The following RFPL1 variants were observed in gnomAD, a reference collection of about 807,000 sequenced individuals.
RFPL1 encodes the protein ret finger protein-like 1.
Under a neutral mutation model 9.6 loss-of-function variants are expected in RFPL1, and 6 were observed. The observed-to-expected ratio is 0.62, with a 90% CI of 0.34 to 1.23. RFPL1 has a LOEUF of 1.23. RFPL1 is among the 50% of genes most tolerant of loss of function. The probability of loss-of-function intolerance (pLI) is 0.03; values close to 1 mark genes in which losing one functional copy is unlikely to be tolerated. For synonymous variants in RFPL1, 145 were observed against 149.4 expected, an observed-to-expected ratio of 0.97 and a Z score of 0.22; for missense variants, 352 against 398.4, an observed-to-expected ratio of 0.88 and a Z score of 0.99.
At chr22:29,424,838 C>CCG in the RFPL1 span, among the ~76,000 whole-genome samples, 3 of 108,750 alleles carry the variant, frequency 2.8e-5, no homozygotes, top group East Asian at 6.9e-4. Context: ...CTCCCACCCC[C>CCG]CCCCCCGCAA....
At chr22:29,422,502 A>G in the RFPL1 span, among the ~76,000 whole-genome samples, 598 of 152,346 alleles carry the variant, frequency 3.9e-3, 4 homozygotes, top group African/African-American at 0.014. Context: ...GCTCGAACCC[A>G]GGAGGCAGAG....
the RFPL1 span, among the ~76,000 whole-genome samples, chr22:29,388,993 C>T: frequency 6.6e-6 from 1 of 152,208 alleles, no homozygotes; most frequent in Non-Finnish European, 1.5e-5. Context: ...CCTCTCACCT[C>T]AGCCTCCCAA....
intron 1 of RFPL1, 194 bp from the exon 2 acceptor site, chr22:29,441,348 T>C (rs1338222343): frequency 3.2e-6 from 2 of 618,474 alleles, no homozygotes; most frequent in East Asian, 2.8e-5. Context: ...TGAATAAGAG[T>C]TGGGTATTGC....
chr22:29,411,041 C>T, the RFPL1 span, among the ~76,000 whole-genome samples: 2 of 152,174 alleles, frequency 1.3e-5, no homozygotes, highest in East Asian at 3.9e-4. Context: ...GCCAATCCAT[C>T]TGCTGCATCT....
At chr22:29,441,867 G>C in exon 2 of RFPL1, 1 of 1,613,832 alleles carries the variant, frequency 6.2e-7, no homozygotes, top group Non-Finnish European at 8.5e-7. Context: ...CGGTGCCGCT[G>C]ACTTTCCTCT....
At chr22:29,438,838 G>A in exon 1 of RFPL1, 1 of 1,613,944 alleles carries the variant, frequency 6.2e-7, no homozygotes, top group Non-Finnish European at 8.5e-7. Flanking sequence ...TCACCTCACG[G>A]AAATTTTCTT....
At chr22:29,393,923 C>T in the RFPL1 span, among the ~76,000 whole-genome samples, 13 of 152,202 alleles carry the variant, frequency 8.5e-5, no homozygotes, top group South Asian at 6.2e-4. Context: ...ATGATCTGCC[C>T]GCCTTGGCCT....
upstream of RFPL1, among the ~76,000 whole-genome samples, chr22:29,435,158 C>G (rs1179735674): frequency 6.6e-6 from 1 of 152,204 alleles, no homozygotes. Context: ...TAAGAAATTG[C>G]CTTTTAAATA....
In RFPL1 at chr22:29,439,342, A is replaced by C; in HGVS notation, c.373+178A>C. On this transcript the variant is annotated intron_variant, in intron 1 of 1. Coordinates refer to ENST00000354373, the Ensembl canonical transcript of RFPL1. The stretch of plus-strand genomic sequence containing the variant: ...TACAGAATCACCTGGTGATCTCCAA[A>C]AAAAAGGCTGGCTGGGCATGGTGGC... 2.9e-6 allele frequency: 3 copies of C among 1,022,812 alleles called. No individual in the cohort carries two copies. In the East Asian group the frequency reaches 7.6e-5, roughly 26 times the overall value. 63.4% of individuals were successfully genotyped at this position (1,022,812 alleles called of 1,614,324 possible).
At chr22:29,395,737 C>T in the RFPL1 span, among the ~76,000 whole-genome samples, 61 of 152,206 alleles carry the variant, frequency 4.0e-4, 1 homozygote, top group Non-Finnish European at 6.5e-4. Context: ...CTTTGGGAGG[C>T]TTAGGCAGGT....
upstream of RFPL1, chr22:29,437,476 T>C: frequency 1.2e-6 from 1 of 813,904 alleles, no homozygotes; most frequent in South Asian, 1.7e-5. Flanking sequence ...AATCTTATCT[T>C]CATATGAAAG....
the RFPL1 span, among the ~76,000 whole-genome samples, chr22:29,415,948 T>G: frequency 2.6e-5 from 4 of 151,714 alleles, no homozygotes; most frequent in Admixed American, 2.6e-4. Context: ...ACCCCTGGAG[T>G]TGTGGTTGTG....
the RFPL1 span, among the ~76,000 whole-genome samples, chr22:29,427,945 C>T: frequency 1.3e-5 from 2 of 152,174 alleles, no homozygotes; most frequent in Admixed American, 6.5e-5. Context: ...TTCACCCTTT[C>T]TATATGGTAT....
At chr22:29,401,922 G>A in the RFPL1 span, among the ~76,000 whole-genome samples, 1 of 152,120 alleles carries the variant, frequency 6.6e-6, no homozygotes, top group Non-Finnish European at 1.5e-5. Flanking sequence ...CTAAGCCTTT[G>A]TTTGCTCATC....
upstream of RFPL1, chr22:29,436,535 T>C (rs2062809474): frequency 6.6e-6 from 1 of 151,122 alleles, no homozygotes; most frequent in African/African-American, 2.4e-5. Context: ...AGGAGCCGGA[T>C]GTTGCAGTGA....
chr22:29,391,311 G>A, the RFPL1 span, among the ~76,000 whole-genome samples: 5 of 152,036 alleles, frequency 3.3e-5, no homozygotes, highest in African/African-American at 1.2e-4. Flanking sequence ...GTAGATGGCC[G>A]CCCTCTTGCT....
the RFPL1 span, among the ~76,000 whole-genome samples, chr22:29,429,627 A>G: frequency 6.6e-6 from 1 of 152,188 alleles, no homozygotes; most frequent in Non-Finnish European, 1.5e-5. Flanking sequence ...GAAACAAAAA[A>G]CCTGAACAGA....
At chr22:29,432,477 A>T in the RFPL1 span, among the ~76,000 whole-genome samples, 1 of 152,086 alleles carries the variant, frequency 6.6e-6, no homozygotes, top group Non-Finnish European at 1.5e-5. Context: ...TTTCTAAACC[A>T]AAGTATAAAA....
chr22:29,400,633 G>A, the RFPL1 span, among the ~76,000 whole-genome samples: 2 of 152,142 alleles, frequency 1.3e-5, no homozygotes, highest in Non-Finnish European at 2.9e-5. Context: ...GGGAATGAAA[G>A]CTTTCTTAAC....
Sources: gnomAD v4.1 joint callset for allele counts (sites outside exome capture counted in the v4.1 genomes callset) on GRCh38, gnomAD v4.1.1 for gene constraint, MANE v1.5 for transcripts, NCBI Gene and HGNC (gene_info 2026-07-23, HGNC 2026-07-21) for gene names.